The following OLFML2B variants were observed in gnomAD, a reference collection of about 807,000 sequenced individuals.
OLFML2B encodes the protein olfactomedin like 2B, also known as olfactomedin-like protein 2B.
A neutral mutation model predicts 74.9 loss-of-function variants in OLFML2B; 57 were observed. That is an observed-to-expected ratio of 0.76 (90% CI 0.61 to 0.95). The LOEUF (loss-of-function observed/expected upper bound fraction) is 0.95. OLFML2B is among the 40% of genes least tolerant of loss of function. The pLI, the probability that OLFML2B is intolerant of heterozygous loss-of-function variation, is 0.00. For synonymous variants in OLFML2B, 388 were observed against 405.8 expected (o/e 0.96, Z 0.53); for missense variants, 986 against 970.6 (o/e 1.02, Z -0.21).
At chr1:162,012,687 G>A (rs1294365516) in intron 3 of OLFML2B, among the ~76,000 whole-genome samples, 1 of 152,204 alleles carries the variant, frequency 6.6e-6, no homozygotes, top group East Asian at 1.9e-4. Context: ...TGGAAAGCTT[G>A]CAGGCATGCA....
At chr1:161,998,898 A>C (rs1690004828) in intron 5 of OLFML2B, among the ~76,000 whole-genome samples, 1 of 152,222 alleles carries the variant, frequency 6.6e-6, no homozygotes, top group Non-Finnish European at 1.5e-5. Context: ...TGGGGAGATG[A>C]GCAGCTGCCT....
At chr1:161,994,580 G>A (rs1354747081) in intron 6 of OLFML2B, among the ~76,000 whole-genome samples, 1 of 152,192 alleles carries the variant, frequency 6.6e-6, no homozygotes, top group Non-Finnish European at 1.5e-5. Context: ...CCTTGGCCAT[G>A]TGGCAGTTTC....
intron 6 of OLFML2B, among the ~76,000 whole-genome samples, chr1:161,997,044 C>T (rs1431377223): frequency 6.6e-6 from 1 of 152,164 alleles, no homozygotes; most frequent in East Asian, 1.9e-4. Flanking sequence ...GCAGTCCCAG[C>T]TACTTGGGAG....
intron 4 of OLFML2B, among the ~76,000 whole-genome samples, chr1:162,001,821 G>A (rs1298092564): frequency 6.6e-6 from 1 of 152,180 alleles, no homozygotes; most frequent in Non-Finnish European, 1.5e-5. Context: ...TTGTTAAATT[G>A]AATTTCTGAA....
At chr1:162,004,666 C>A (rs557538978) in intron 4 of OLFML2B, among the ~76,000 whole-genome samples, 74 of 152,240 alleles carry the variant, frequency 4.9e-4, no homozygotes, top group African/African-American at 1.6e-3. Context: ...GAGTTTCAAG[C>A]CCACACACCC....
At chr1:162,014,665 C>G (rs997351576) in intron 3 of OLFML2B, among the ~76,000 whole-genome samples, 1 of 152,204 alleles carries the variant, frequency 6.6e-6, no homozygotes, top group African/African-American at 2.4e-5. Flanking sequence ...AGACTCCAGA[C>G]AGTCAGCTGG....
chr1:162,003,052 G>T (rs1690124360), intron 4 of OLFML2B, among the ~76,000 whole-genome samples: 1 of 152,184 alleles, frequency 6.6e-6, no homozygotes, highest in African/African-American at 2.4e-5. Context: ...TGGCTGAGAG[G>T]GGCAGTTCTT....
chr1:161,999,631 C>T lies in OLFML2B; in HGVS notation c.949+482G>A, dbSNP rs181135703. Among the ~76,000 whole-genome samples, 189 of 152,170 alleles carry T rather than the reference C, an allele frequency of 1.2e-3. 1 individual carries two copies. Among genetic ancestry groups the T allele is most frequent in the African/African-American group, 4.2e-3 (176 of 41,508 alleles). On this transcript the variant is annotated intron_variant, in intron 5 of 7. Coordinates refer to ENST00000294794, the MANE Select transcript of OLFML2B (RefSeq NM_015441.3). ...GAGGAGCACAGGAAGAGGAAGAAGC[C>T]TAAGGAAACAAGGTAAACGTGATGT...
At chr1:161,999,108 T>A (rs2101959990) in intron 5 of OLFML2B, among the ~76,000 whole-genome samples, 1 of 152,270 alleles carries the variant, frequency 6.6e-6, no homozygotes, top group South Asian at 2.1e-4. Flanking sequence ...TGTATGGAGT[T>A]CAGTTTTTAT....
At chr1:162,023,166 C>T in intron 1 of OLFML2B, 91 bp downstream of exon 1, 1 of 1,237,622 alleles carries the variant, frequency 8.1e-7, no homozygotes, top group Admixed American at 2.8e-5. Flanking sequence ...GAAGGAAAAA[C>T]AGCTGCCCTC....
Position 162,023,618 on chromosome 1 carries a change from C to T in OLFML2B, c.-188G>A. On this transcript the variant is annotated 5_prime_UTR_variant, in exon 1 of 8. Transcript: ENST00000294794. ...CCAGAGACTCTGGGCATCTCCTTCC[C>T]GACGCGAGCAGCCCTCGACTGTGCA... is the stretch of plus-strand genomic sequence containing the variant. The T allele has an allele frequency of 2.2e-6, 1 of 463,134 alleles. No individual in the cohort carries two copies. Among genetic ancestry groups the T allele is most frequent in the South Asian group, 5.0e-5 (1 of 20,112 alleles). 28.7% of individuals were successfully genotyped at this position (463,134 alleles called of 1,614,324 possible).
intron 6 of OLFML2B, among the ~76,000 whole-genome samples, chr1:161,985,443 C>T (rs1175001295): frequency 1.3e-5 from 2 of 152,206 alleles, no homozygotes; most frequent in African/African-American, 4.8e-5. Context: ...GCGTAAGCAC[C>T]AAGGGATGAG....
Position 161,984,995 on chromosome 1 carries a change from G to A in OLFML2B, c.1475-15C>T, listed in dbSNP as rs762707020. 6.3e-7 allele frequency: 1 copy of A among 1,596,752 alleles called. No homozygotes were observed. Among genetic ancestry groups the A allele is most frequent in the Non-Finnish European group, 8.5e-7 (1 of 1,172,900 alleles). ...CTTGCACCTTCCTGGTGGAGAAGAG[G>A]TGGATGGAGGTTTTGGGCTGATCTA... is the stretch of plus-strand genomic sequence containing the variant. On this transcript the variant is annotated splice_polypyrimidine_tract_variant and intron_variant, in intron 6 of 7. Coordinates refer to ENST00000294794, the MANE Select transcript of OLFML2B (RefSeq NM_015441.3).
At chr1:162,022,545 G>A (rs1690747892) in intron 1 of OLFML2B, among the ~76,000 whole-genome samples, 1 of 152,140 alleles carries the variant, frequency 6.6e-6, no homozygotes, top group African/African-American at 2.4e-5. Context: ...CACCGCGCCC[G>A]GCCTACCCAT....
intron 6 of OLFML2B, among the ~76,000 whole-genome samples, chr1:161,987,982 G>T (rs1189890690): frequency 1.3e-5 from 2 of 152,202 alleles, no homozygotes; most frequent in Admixed American, 1.3e-4. Context: ...ATCTGGGGCA[G>T]CTCAGATGCT....
At chr1:162,004,273 C>T (rs892670135) in intron 4 of OLFML2B, among the ~76,000 whole-genome samples, 1 of 152,142 alleles carries the variant, frequency 6.6e-6, no homozygotes. Flanking sequence ...TGTCTTCTGG[C>T]TCCTTGGTTT....
rs1689481115 is a variant in OLFML2B, at chr1:161,983,424, C to G, written c.*251G>C. ...CTGAAGGCTTGAAGGAAGGTGGTTA[C>G]TGGTCAAAAGGAGAAGTTCATTTGC... On this transcript the variant is annotated 3_prime_UTR_variant, in exon 8 of 8. Transcript: ENST00000294794. The G allele has an allele frequency of 2.9e-6, 1 of 339,020 alleles. No individual in the cohort carries two copies. Among genetic ancestry groups the G allele is most frequent in the Non-Finnish European group, 5.3e-6 (1 of 187,724 alleles). The allele number at this position is 339,020 out of a possible 1,614,324, so 21.0% of individuals were successfully genotyped here. A position where few individuals can be genotyped will look rare whatever the true frequency, so the allele number is the denominator to read the frequency against.
intron 3 of OLFML2B, among the ~76,000 whole-genome samples, chr1:162,015,964 T>C (rs75717635): frequency 0.013 from 1,981 of 152,196 alleles, 30 homozygotes; most frequent in Middle Eastern, 0.068. Flanking sequence ...CTACCAACCC[T>C]CCCAGAGCCA....
At chr1:162,002,259 A>G (rs746327781) in intron 4 of OLFML2B, among the ~76,000 whole-genome samples, 3 of 152,196 alleles carry the variant, frequency 2.0e-5, no homozygotes, top group Non-Finnish European at 4.4e-5. Flanking sequence ...CCAGGACTCC[A>G]GTGGCTGGAT....
Sources: gnomAD v4.1 joint callset for allele counts (sites outside exome capture counted in the v4.1 genomes callset) on GRCh38, gnomAD v4.1.1 for gene constraint, MANE v1.5 for transcripts, NCBI Gene and HGNC (gene_info 2026-07-23, HGNC 2026-07-21) for gene names.